The following WDR49 variants were observed in gnomAD, a reference collection of about 807,000 sequenced individuals.
WDR49 encodes WD repeat domain 49.
In WDR49, 107 loss-of-function variants were observed where a neutral mutation model predicts 119.5. The observed-to-expected ratio is 0.90, with a 90% CI of 0.77 to 1.05. The LOEUF is 1.05. WDR49 is among the 50% of genes least tolerant of loss of function. The probability of loss-of-function intolerance (pLI) is 0.00; values close to 1 mark genes in which losing one functional copy is unlikely to be tolerated. For synonymous variants in WDR49, 425 were observed against 418.8 expected, an observed-to-expected ratio of 1.01 and a Z score of -0.18; for missense variants, 1,240 against 1,220.5, an observed-to-expected ratio of 1.02 and a Z score of -0.24.
At chr3:167,507,159 G>C (rs887991954) in intron 16 of WDR49, among the ~76,000 whole-genome samples, 25 of 152,262 alleles carry the variant, frequency 1.6e-4, no homozygotes, top group African/African-American at 6.0e-4. Context: ...GCACATTTAA[G>C]AGGGGATGGG....
intron 7 of WDR49, among the ~76,000 whole-genome samples, chr3:167,589,466 C>A (rs1423830134): frequency 6.6e-6 from 1 of 152,026 alleles, no homozygotes; most frequent in Non-Finnish European, 1.5e-5. Context: ...TTTCCTATTT[C>A]TATGAAGAAT....
intron 2 of WDR49, among the ~76,000 whole-genome samples, chr3:167,639,291 C>A (rs765483671): frequency 2.6e-5 from 4 of 151,618 alleles, no homozygotes; most frequent in Non-Finnish European, 5.9e-5. Flanking sequence ...AGATTAATAC[C>A]ATGTTGGAGC....
chr3:167,492,794 T>C (rs1021828023), intron 18 of WDR49, among the ~76,000 whole-genome samples: 1 of 152,098 alleles, frequency 6.6e-6, no homozygotes, highest in Non-Finnish European at 1.5e-5. Flanking sequence ...TTCCATGGCT[T>C]ATTCTCTTTA....
At chr3:167,490,970 C>G (rs1478828756) in intron 18 of WDR49, among the ~76,000 whole-genome samples, 1 of 151,828 alleles carries the variant, frequency 6.6e-6, no homozygotes, top group East Asian at 1.9e-4. Flanking sequence ...TCCAAATTAA[C>G]ATTTTCAGTT....
chr3:167,561,020 A>C (rs1577240781), intron 8 of WDR49, among the ~76,000 whole-genome samples: 1 of 148,508 alleles, frequency 6.7e-6, no homozygotes, highest in East Asian at 2.0e-4. Context: ...AAATAATTAC[A>C]TAAATGCATA....
chr3:167,603,442 G>A (rs529444442), intron 6 of WDR49, among the ~76,000 whole-genome samples: 3 of 152,116 alleles, frequency 2.0e-5, no homozygotes, highest in African/African-American at 4.8e-5. Flanking sequence ...GCATATTCAC[G>A]AATTCATATT....
chr3:167,520,468 G>A (rs957217675), intron 16 of WDR49, among the ~76,000 whole-genome samples: 1 of 152,068 alleles, frequency 6.6e-6, no homozygotes, highest in South Asian at 2.1e-4. Flanking sequence ...TTTATCCTAT[G>A]TAAAGTCTTT....
At chr3:167,594,015 C>T (rs889115161) in intron 7 of WDR49, among the ~76,000 whole-genome samples, 1 of 152,184 alleles carries the variant, frequency 6.6e-6, no homozygotes, top group African/African-American at 2.4e-5. Context: ...GTCTCCCCAG[C>T]CATGAGCAAC....
At chr3:167,489,146 T>C (rs191819454) in intron 18 of WDR49, among the ~76,000 whole-genome samples, 1 of 152,244 alleles carries the variant, frequency 6.6e-6, no homozygotes, top group East Asian at 1.9e-4. Context: ...AGACAATAAA[T>C]TCAGCAGCAG....
intron 5 of WDR49, among the ~76,000 whole-genome samples, chr3:167,615,108 C>G (rs934851585): frequency 1.3e-5 from 2 of 152,180 alleles, no homozygotes; most frequent in Non-Finnish European, 2.9e-5. Flanking sequence ...AGCTTCTAAT[C>G]TGTATTGCTA....
intron 16 of WDR49, among the ~76,000 whole-genome samples, chr3:167,517,326 G>A (rs1045123159): frequency 1.3e-5 from 2 of 151,952 alleles, no homozygotes; most frequent in Non-Finnish European, 2.9e-5. Context: ...AACAGACACA[G>A]AGACCCATGG....
At chr3:167,590,560 C>T (rs1715057116) in intron 7 of WDR49, among the ~76,000 whole-genome samples, 1 of 151,934 alleles carries the variant, frequency 6.6e-6, no homozygotes, top group African/African-American at 2.4e-5. Context: ...AGGCTTTTAA[C>T]TATGGCTTCA....
intron 3 of WDR49, among the ~76,000 whole-genome samples, chr3:167,622,423 T>C (rs1577284052): frequency 6.6e-6 from 1 of 152,186 alleles, no homozygotes; most frequent in Middle Eastern, 3.4e-3. Flanking sequence ...TCTGATTAAA[T>C]AGAGAATTTT....
chr3:167,627,105 T>C lies in WDR49; in HGVS notation c.353A>G (p.Asp118Gly), dbSNP rs972857172. The C allele has an allele frequency of 1.6e-6, 2 of 1,275,074 alleles. No homozygotes were observed. Among genetic ancestry groups the C allele is most frequent in the Admixed American group, 3.7e-5 (1 of 26,916 alleles). The allele number at this position is 1,275,074 out of a possible 1,614,324, so 79.0% of individuals were successfully genotyped here. A position where few individuals can be genotyped will look rare whatever the true frequency, so the allele number is the denominator to read the frequency against. The change falls in exon 3 of 19, where the codon GAT becomes GGT. Residue 118 changes from aspartate to glycine, a missense_variant. Asp to Gly is a moderately conservative substitution (Grantham distance 94). Transcript: ENST00000682715. ...CACCACAGTTGCCTTTGCTCGTTCA[T>C]CTTGCTCATAAAGCTCTAGCAGTAT... The part of the protein sequence containing the change: ...SFILLELYEQ[D>G]ERAKATVVPQ...
chr3:167,613,020 T>C (rs1716416832), intron 5 of WDR49, among the ~76,000 whole-genome samples: 1 of 152,170 alleles, frequency 6.6e-6, no homozygotes. Flanking sequence ...ATAATGTAAT[T>C]GTATATTTTA....
chr3:167,628,449 C>G (rs943905341), intron 2 of WDR49, among the ~76,000 whole-genome samples: 2 of 152,020 alleles, frequency 1.3e-5, no homozygotes, highest in Non-Finnish European at 2.9e-5. Flanking sequence ...GTTAGACAGC[C>G]TTACTGCTGC....
chr3:167,501,053 T>C (rs1036100523), intron 17 of WDR49, among the ~76,000 whole-genome samples: 2 of 152,218 alleles, frequency 1.3e-5, no homozygotes, highest in African/African-American at 2.4e-5. Context: ...CAGAATCATC[T>C]GGAGGGCTTA....
At chr3:167,516,429 G>A (rs967806561) in intron 16 of WDR49, among the ~76,000 whole-genome samples, 11 of 151,830 alleles carry the variant, frequency 7.2e-5, no homozygotes, top group African/African-American at 1.9e-4. Flanking sequence ...GGACATGAAC[G>A]CATCATTTTT....
At position 167,620,561 on chromosome 3, in the gene WDR49, C is replaced by T; in HGVS notation, c.826G>A (p.Glu276Lys). 1 of 1,535,164 alleles carries T rather than the reference C, an allele frequency of 6.5e-7. No individual in the cohort carries two copies. The highest frequency in any genetic ancestry group is 1.4e-5 in the African/African-American group (1 of 73,070). The change falls in exon 5 of 19, where the codon GAA (glutamate) becomes AAA (lysine). Residue 276 changes from glutamate (E) to lysine (K), a missense_variant. By Grantham distance (56) the Glu-to-Lys change is moderately conservative. Transcript: ENST00000682715. ...AFTAALISLF[E>K]RPASACEDGE... ...TCTTCACATGCACTAGCAGGCCGTT[C>T]AAACAGGGAAATCAAGGCTGCGGTG... is the stretch of plus-strand genomic sequence containing the variant.
Sources: allele counts gnomAD v4.1 joint callset (sites outside exome capture counted in the v4.1 genomes callset), GRCh38; gene constraint gnomAD v4.1.1; transcripts MANE v1.5; gene names NCBI Gene and HGNC (gene_info 2026-07-23, HGNC 2026-07-21).